Variants in ZNF469 observed in about 807,000 individuals in gnomAD.
ZNF469 encodes the protein zinc finger protein 469.
A neutral mutation model predicts 1.0 loss-of-function variants in ZNF469; 1 was observed. That is an observed-to-expected ratio of 1.00 (90% CI 0.35 to 4.73). The LOEUF is 4.73. Among genes scored for constraint, ZNF469 ranks in the 30% most tolerant of loss-of-function variants. The pLI, the probability that ZNF469 is intolerant of heterozygous loss-of-function variation, is 0.16. For missense variants in ZNF469, 6,100 were observed against 5,356.3 expected, an observed-to-expected ratio of 1.14 and a Z score of -4.33; for synonymous variants, 2,703 against 2,363.4, an observed-to-expected ratio of 1.14 and a Z score of -4.17.
At position 88,432,338 on chromosome 16, in the gene ZNF469, C is replaced by T. The variant is rs1188154558; in HGVS notation, c.4868C>T (p.Ser1623Leu). The T allele has an allele frequency of 8.4e-6, 13 of 1,548,216 alleles. No homozygotes were observed. The Admixed American group carries it at 1.4e-4, about 16-fold the overall frequency. ...QATVPHEDTF[S>L]AADLTRVGES... is the part of the protein sequence containing the mutation. ...ACCGTGCCCCACGAGGACACGTTCT[C>T]GGCAGCTGACCTCACGCGCGTTGGA... Residue 1623 changes from serine (S) to leucine (L), a missense_variant, in exon 3 of 3, where the codon TCG becomes TTG. Coordinates refer to ENST00000565624, the MANE Select transcript of ZNF469 (RefSeq NM_001367624.2).
chr16:88,257,863 A>G, the ZNF469 span, among the ~76,000 whole-genome samples: 1 of 152,162 alleles, frequency 6.6e-6, no homozygotes, highest in African/African-American at 2.4e-5. Context: ...TGAGTTATGT[A>G]TGAGACCCCA....
intron 1 of ZNF469, among the ~76,000 whole-genome samples, chr16:88,386,409 G>A (rs1567497537): frequency 6.6e-6 from 1 of 151,978 alleles, no homozygotes; most frequent in African/African-American, 2.4e-5. Flanking sequence ...GCGACTGCCT[G>A]CCCTTCTCCC....
At chr16:88,133,357 A>G in the ZNF469 span, among the ~76,000 whole-genome samples, 5 of 152,194 alleles carry the variant, frequency 3.3e-5, no homozygotes, top group Admixed American at 3.3e-4. Flanking sequence ...CAGAGGATTC[A>G]TCTTTGCTCT....
the ZNF469 span, among the ~76,000 whole-genome samples, chr16:88,339,852 G>A: frequency 6.8e-6 from 1 of 147,402 alleles, no homozygotes; most frequent in Admixed American, 6.7e-5. Context: ...GGGGAACATG[G>A]TGGCAGGAGG....
At chr16:88,171,894 C>T in the ZNF469 span, among the ~76,000 whole-genome samples, 178 of 152,104 alleles carry the variant, frequency 1.2e-3, no homozygotes, top group African/African-American at 4.1e-3. Context: ...CTGACTAATA[C>T]GGGGTAACAG....
At chr16:88,361,507 T>C in the ZNF469 span, among the ~76,000 whole-genome samples, 1 of 152,392 alleles carries the variant, frequency 6.6e-6, no homozygotes, top group Non-Finnish European at 1.5e-5. Context: ...ATGTGCTTAT[T>C]GCCCATTTGG....
the ZNF469 span, among the ~76,000 whole-genome samples, chr16:88,124,537 A>C: frequency 4.0e-5 from 6 of 151,322 alleles, no homozygotes; most frequent in Admixed American, 3.3e-4. Flanking sequence ...TTCCTTTTTA[A>C]TTTCTTAATC....
rs764463710 is a variant in ZNF469, at chr16:88,400,939, G to A, written c.-192+17685G>A. 7.4e-4 allele frequency among the ~76,000 whole-genome samples: 113 copies of A among 152,030 alleles called. 1 individual carries two copies. Among genetic ancestry groups the A allele is most frequent in the Non-Finnish European group, 1.6e-3 (106 of 68,004 alleles). ...TGGAGGGGCCCAGAAACAACCCGCTGAACAACAGGCCAGGGGTTGCTTCTG... is the reference window on the plus strand; with the variant it reads ...TGGAGGGGCCCAGAAACAACCCGCTAAACAACAGGCCAGGGGTTGCTTCTG... On this transcript the variant is annotated intron_variant, in intron 1 of 2. Transcript: ENST00000565624.
chr16:88,285,737 G>T, the ZNF469 span, among the ~76,000 whole-genome samples: 1 of 152,266 alleles, frequency 6.6e-6, no homozygotes, highest in South Asian at 2.1e-4. Flanking sequence ...GGCCCTCTCT[G>T]AGTGGTGGGC....
rs1254697458 is a variant in ZNF469, at chr16:88,437,815, G to A, written c.10345G>A (p.Ala3449Thr). The A allele has an allele frequency of 3.9e-6, 6 of 1,542,914 alleles. No individual in the cohort carries two copies. Among genetic ancestry groups the A allele is most frequent in the Admixed American group, 3.9e-5 (2 of 50,762 alleles). The change falls in exon 3 of 3, where the codon GCG becomes ACG. Residue 3449 changes from alanine to threonine, a missense_variant. By Grantham distance (58) the Ala-to-Thr change is moderately conservative. Coordinates refer to ENST00000565624, the MANE Select transcript of ZNF469 (RefSeq NM_001367624.2). The part of the protein sequence containing the change: ...KHLRGGRQPF[A>T]FRGVRRPGAP... ...CCTCAGGGGGGGGCGGCAGCCCTTC[G>A]CGTTCCGCGGCGTGCGGAGGCCGGG...
At chr16:88,426,595 C>T (rs1024052630) in intron 2 of ZNF469, among the ~76,000 whole-genome samples, 5 of 152,186 alleles carry the variant, frequency 3.3e-5, no homozygotes, top group African/African-American at 1.2e-4. Flanking sequence ...CGTCTGGAGG[C>T]TGGGGGCTTC....
At chr16:88,331,460 A>G in the ZNF469 span, among the ~76,000 whole-genome samples, 1 of 151,310 alleles carries the variant, frequency 6.6e-6, no homozygotes, top group East Asian at 2.0e-4. Context: ...CACCACCATC[A>G]TCACTACCAC....
At chr16:88,274,946 G>T in the ZNF469 span, among the ~76,000 whole-genome samples, 1 of 152,194 alleles carries the variant, frequency 6.6e-6, no homozygotes, top group African/African-American at 2.4e-5. Context: ...TACACGCTTG[G>T]ACACTCGCTC....
chr16:88,348,729 G>A, the ZNF469 span, among the ~76,000 whole-genome samples: 5 of 152,300 alleles, frequency 3.3e-5, no homozygotes, highest in East Asian at 1.9e-4. Context: ...GGTTGGATCC[G>A]GGGAGCCTGC....
In ZNF469 at chr16:88,431,692, C is replaced by G; in HGVS notation, c.4222C>G (p.Pro1408Ala). The G allele has an allele frequency of 6.4e-7, 1 of 1,550,438 alleles. No homozygotes were observed. The highest frequency in any genetic ancestry group is 2.4e-5 in the East Asian group (1 of 40,928). ...CCCCAAGCCCTCAGCCAGGGATGCC[C>G]CGCCGGCCAGCAGCTCCTGCCTTTG... ...LHPKPSARDAPPASSSCLCQD... is the reference protein window; with the variant it reads ...LHPKPSARDAAPASSSCLCQD... Residue 1408 changes from proline (P) to alanine (A), a missense_variant, in exon 3 of 3, where the codon CCG (proline) becomes GCG (alanine). Physicochemically the swap from Pro to Ala is conservative, Grantham distance 27. Coordinates refer to ENST00000565624, the MANE Select transcript of ZNF469 (RefSeq NM_001367624.2).
At chr16:88,200,398 G>A in the ZNF469 span, among the ~76,000 whole-genome samples, 3 of 152,182 alleles carry the variant, frequency 2.0e-5, no homozygotes, top group Non-Finnish European at 2.9e-5. Context: ...CAATGCTCAC[G>A]CCCCATAGGG....
the ZNF469 span, among the ~76,000 whole-genome samples, chr16:88,276,139 A>G: frequency 7.2e-5 from 11 of 152,190 alleles, no homozygotes; most frequent in Non-Finnish European, 1.6e-4. Context: ...CTTAGATGCC[A>G]TCCTGGGGGT....
At chr16:88,101,027 C>A in the ZNF469 span, 1 of 235,526 alleles carries the variant, frequency 4.2e-6, no homozygotes, top group Non-Finnish European at 8.4e-6. Flanking sequence ...CAGCCACACA[C>A]CACAGGGGAT....
At chr16:88,116,317 T>C in the ZNF469 span, among the ~76,000 whole-genome samples, 1 of 152,054 alleles carries the variant, frequency 6.6e-6, no homozygotes, top group East Asian at 1.9e-4. Flanking sequence ...CCGGTGATGT[T>C]GCGGTGTAGA....
Sources: allele counts gnomAD v4.1 joint callset (sites outside exome capture counted in the v4.1 genomes callset), GRCh38; gene constraint gnomAD v4.1.1; transcripts MANE v1.5; gene names NCBI Gene and HGNC (gene_info 2026-07-23, HGNC 2026-07-21).